Variants in SLCO1A2 observed in about 807,000 individuals in gnomAD.
SLCO1A2 encodes solute carrier organic anion transporter family member 1A2.
SLCO1A2 carries 67 observed loss-of-function variants against 69.0 expected under a neutral mutation model. The observed-to-expected ratio is 0.97, with a 90% CI of 0.80 to 1.19. The LOEUF (loss-of-function observed/expected upper bound fraction) is 1.19, where lower values mean the gene tolerates loss of function less well. SLCO1A2 is among the 50% of genes most tolerant of loss of function. The pLI, the probability that SLCO1A2 is intolerant of heterozygous loss-of-function variation, is 0.00. For synonymous variants in SLCO1A2, 260 were observed against 265.9 expected (o/e 0.98, Z 0.22); for missense variants, 787 against 793.7 (o/e 0.99, Z 0.10).
chr12:21,292,225 A>G lies in SLCO1A2; in HGVS notation c.1549T>C (p.Ser517Pro), dbSNP rs763423819. The G allele has an allele frequency of 6.2e-7, 1 of 1,612,922 alleles. No homozygotes were observed. The highest frequency in any genetic ancestry group is 1.1e-5 in the South Asian group (1 of 90,956). ...SLMLQYFLIL[S>P]AMSSFIYSLA... ...GAATAAATGAAACTGCTCATCGCTG[A>G]CAAGATTAGGAAGTACTGGAGCATC... Residue 517 changes from serine (S) to proline (P), a missense_variant, in exon 12 of 15, where the codon TCA becomes CCA. By Grantham distance (74) the Ser-to-Pro change is moderately conservative. Transcript: ENST00000683939.
At chr12:21,279,426 A>T (rs933073400) in intron 12 of SLCO1A2, among the ~76,000 whole-genome samples, 1 of 152,234 alleles carries the variant, frequency 6.6e-6, no homozygotes, top group Non-Finnish European at 1.5e-5. Context: ...CCGCAAGGTC[A>T]TGTATAAATA....
chr12:21,418,420 A>C (rs1268228359), upstream of SLCO1A2, among the ~76,000 whole-genome samples: 1 of 152,092 alleles, frequency 6.6e-6, no homozygotes, highest in Non-Finnish European at 1.5e-5. Context: ...TCATTTTCAC[A>C]CTGCTGATAA....
intron 2 of SLCO1A2, among the ~76,000 whole-genome samples, chr12:21,361,396 T>G (rs1938866800): frequency 6.6e-6 from 1 of 152,054 alleles, no homozygotes; most frequent in African/African-American, 2.4e-5. Flanking sequence ...GTCACCATGA[T>G]CAGAGACGAA....
At chr12:21,409,897 G>C (rs1379881754) in intron 1 of SLCO1A2, among the ~76,000 whole-genome samples, 1 of 152,074 alleles carries the variant, frequency 6.6e-6, no homozygotes, top group Non-Finnish European at 1.5e-5. Flanking sequence ...TAATTTGTCA[G>C]GTGTGGTGTC....
At chr12:21,362,415 G>A (rs1272154063) in intron 2 of SLCO1A2, among the ~76,000 whole-genome samples, 1 of 152,126 alleles carries the variant, frequency 6.6e-6, no homozygotes, top group Non-Finnish European at 1.5e-5. Flanking sequence ...AACATGGAAA[G>A]GAACAACCGG....
chr12:21,375,010 G>C (rs907082448), intron 1 of SLCO1A2, among the ~76,000 whole-genome samples: 3 of 151,984 alleles, frequency 2.0e-5, no homozygotes, highest in Non-Finnish European at 4.4e-5. Context: ...TAGGGAAAGG[G>C]TCTCCCTATG....
chr12:21,307,900 G>T (rs2136558905), intron 4 of SLCO1A2, among the ~76,000 whole-genome samples: 1 of 152,220 alleles, frequency 6.6e-6, no homozygotes, highest in South Asian at 2.1e-4. Flanking sequence ...TAGAACAATT[G>T]CTCATTGATG....
intron 2 of SLCO1A2, among the ~76,000 whole-genome samples, chr12:21,374,213 G>A (rs1940019794): frequency 1.3e-5 from 2 of 152,252 alleles, no homozygotes; most frequent in South Asian, 4.1e-4. Context: ...AACTCTTAGA[G>A]TAGTTAAAAT....
chr12:21,418,692 CA>C (rs1942028661), upstream of SLCO1A2, among the ~76,000 whole-genome samples: 1 of 152,080 alleles, frequency 6.6e-6, no homozygotes, highest in Non-Finnish European at 1.5e-5. Flanking sequence ...GTCCCTCCAA[CA>C]ACGTGTGGGA....
At chr12:21,395,676 G>C (rs1941420265), upstream of SLCO1A2, among the ~76,000 whole-genome samples, 2 of 152,200 alleles carry the variant, frequency 1.3e-5, no homozygotes, top group Admixed American at 6.5e-5. Flanking sequence ...CTGGACATCT[G>C]AGAACGGGCA....
chr12:21,410,141 C>T (rs1190066199), intron 1 of SLCO1A2, among the ~76,000 whole-genome samples: 1 of 152,102 alleles, frequency 6.6e-6, no homozygotes, highest in African/African-American at 2.4e-5. Context: ...GTCTGGCTTC[C>T]CCCACTAACC....
At chr12:21,325,021 C>G (rs930837097) in intron 2 of SLCO1A2, among the ~76,000 whole-genome samples, 11 of 152,146 alleles carry the variant, frequency 7.2e-5, no homozygotes, top group Non-Finnish European at 1.3e-4. Context: ...GTAAATGTCC[C>G]TCAACTGGAA....
intron 1 of SLCO1A2, chr12:21,379,002 G>A (rs556178380): frequency 6.6e-6 from 1 of 152,644 alleles, no homozygotes; most frequent in South Asian, 2.1e-4. Flanking sequence ...TTAAACCCAG[G>A]AGGCGGAGGT....
At chr12:21,378,470 T>C (rs1268761040) in intron 1 of SLCO1A2, 6 of 1,503,074 alleles carry the variant, frequency 4.0e-6, no homozygotes, top group Non-Finnish European at 5.6e-6. Context: ...TTCTAGTGAT[T>C]TCCTGTATAA....
intron 2 of SLCO1A2, among the ~76,000 whole-genome samples, chr12:21,358,838 T>C (rs1234719137): frequency 3.3e-5 from 5 of 152,088 alleles, no homozygotes; most frequent in African/African-American, 1.2e-4. Flanking sequence ...ACAAAGAGAT[T>C]CCTGAAGGAA....
intron 1 of SLCO1A2, among the ~76,000 whole-genome samples, chr12:21,409,165 G>A (rs1941868854): frequency 6.6e-6 from 1 of 152,114 alleles, no homozygotes; most frequent in Non-Finnish European, 1.5e-5. Context: ...ACTCCTGTAG[G>A]GTGGATCCTG....
At chr12:21,347,482 C>A (rs1333974565) in intron 2 of SLCO1A2, among the ~76,000 whole-genome samples, 1 of 152,006 alleles carries the variant, frequency 6.6e-6, no homozygotes, top group Non-Finnish European at 1.5e-5. Context: ...CCCCTCTCTA[C>A]TAAAAATACA....
rs368380651 is a variant in SLCO1A2 at position 21,318,821 on chromosome 12, T to C, written c.163A>G (p.Thr55Ala). 27 of 1,610,260 alleles carry C rather than the reference T, an allele frequency of 1.7e-5. No individual in the cohort carries two copies. The African/African-American group carries it at 2.9e-4, about 18-fold the overall frequency. The change falls in exon 3 of 15, where the codon ACA becomes GCA. Residue 55 changes from threonine to alanine, a missense_variant. Thr to Ala is a moderately conservative substitution (Grantham distance 58). Transcript: ENST00000683939. ...TQIERQFNIP[T>A]SLVGFINGSF... is the part of the protein sequence containing the mutation. ...CCATTAATGAATCCAACTAGAGATG[T>C]TGGGATGTTGAATTGTCTCTCTATT...
intron 9 of SLCO1A2, among the ~76,000 whole-genome samples, chr12:21,296,717 C>G (rs887062475): frequency 6.6e-6 from 1 of 152,176 alleles, no homozygotes; most frequent in Non-Finnish European, 1.5e-5. Context: ...GCATCTGGCT[C>G]CCCGAATCAT....
Sources: gnomAD v4.1 joint callset for allele counts (sites outside exome capture counted in the v4.1 genomes callset) on GRCh38, gnomAD v4.1.1 for gene constraint, MANE v1.5 for transcripts, NCBI Gene and HGNC (gene_info 2026-07-23, HGNC 2026-07-21) for gene names.